RUFY2: variants seen among roughly 807,000 people sequenced by gnomAD.
RUFY2 encodes RUN and FYVE domain-containing protein 2.
In RUFY2, 49 loss-of-function variants were observed where a neutral mutation model predicts 94.4. That is an observed-to-expected ratio of 0.52 (90% CI 0.41 to 0.66). RUFY2 has a LOEUF of 0.66. RUFY2 is among the 30% of genes least tolerant of loss of function. RUFY2 has a pLI of 0.00. For synonymous variants in RUFY2, 255 were observed against 235.7 expected (o/e 1.08, Z -0.75); for missense variants, 541 against 692.8 (o/e 0.78, Z 2.46).
intron 3 of RUFY2, among the ~76,000 whole-genome samples, chr10:68,398,153 C>A (rs574871540): frequency 3.3e-4 from 46 of 140,892 alleles, no homozygotes; most frequent in Non-Finnish European, 4.2e-4. Context: ...AAAAAAAATT[C>A]TACAATAAGG....
chr10:68,346,812 A>G (rs1353167531), intron 16 of RUFY2: 1 of 152,244 alleles, frequency 6.6e-6, no homozygotes, highest in Non-Finnish European at 1.5e-5. Context: ...GGCATTATGT[A>G]TAACTTATAC....
intron 8 of RUFY2, among the ~76,000 whole-genome samples, chr10:68,384,778 T>C (rs2049352652): frequency 1.3e-5 from 2 of 152,142 alleles, no homozygotes; most frequent in African/African-American, 2.4e-5. Flanking sequence ...CTAATGATGG[T>C]TTGCAATTAA....
At chr10:68,375,785 A>G (rs2048594188) in intron 13 of RUFY2, among the ~76,000 whole-genome samples, 1 of 152,008 alleles carries the variant, frequency 6.6e-6, no homozygotes, top group Admixed American at 6.6e-5. Flanking sequence ...CAAAAAAAAA[A>G]AAAAATCAGA....
intron 7 of RUFY2, among the ~76,000 whole-genome samples, chr10:68,390,847 G>C (rs1005025436): frequency 2.0e-5 from 3 of 151,654 alleles, no homozygotes; most frequent in African/African-American, 7.3e-5. Context: ...GTTCACTACA[G>C]CCTTGAAGTC....
At position 68,366,283 on chromosome 10, in the gene RUFY2, T is replaced by G. The variant is rs182279958; in HGVS notation, c.1326-2170A>C. ...AGGCGGAGGTTGCAGTAAGCCAAGA[T>G]CTCACTACTGCACTCTAGCCTGGGT... On this transcript the variant is annotated intron_variant, in intron 13 of 17. Coordinates refer to ENST00000602465, the MANE Select transcript of RUFY2 (RefSeq NM_001330103.2). Among the ~76,000 whole-genome samples, 361 of 128,298 alleles carry G rather than the reference T, an allele frequency of 2.8e-3. 1 individual carries two copies. Among genetic ancestry groups the G allele is most frequent in the African/African-American group, 0.01 (334 of 33,092 alleles). 84.2% of individuals were successfully genotyped at this position (128,298 alleles called of 152,430 possible).
At chr10:68,382,378 A>AT (rs1193715269) in intron 10 of RUFY2, among the ~76,000 whole-genome samples, 2 of 151,714 alleles carry the variant, frequency 1.3e-5, no homozygotes, top group Non-Finnish European at 2.9e-5. Context: ...TTTCTTAAGA[A>AT]TTTTTTATCA....
intron 15 of RUFY2, among the ~76,000 whole-genome samples, chr10:68,360,029 T>C (rs1023308057): frequency 2.6e-5 from 4 of 152,062 alleles, no homozygotes; most frequent in Admixed American, 6.5e-5. Context: ...TTTCACCACG[T>C]TGGCCAGGCT....
chr10:68,373,969 G>A (rs1441723620), intron 13 of RUFY2, among the ~76,000 whole-genome samples: 1 of 151,742 alleles, frequency 6.6e-6, no homozygotes, highest in East Asian at 1.9e-4. Flanking sequence ...AAATAAGTTA[G>A]CTGGGTATGG....
chr10:68,405,386 T>C (rs2051209821), intron 1 of RUFY2: 1 of 758,642 alleles, frequency 1.3e-6, no homozygotes, highest in African/African-American at 1.9e-5. Context: ...CCAAAGTTAA[T>C]GAATTATTCT....
In RUFY2 at chr10:68,345,468, A is replaced by G. The variant is rs905289643; in HGVS notation, c.*300T>C. ...AATTGACAGAATTCAGAAGAAAAAA[A>G]CAATCTGAAGCCTTATTTTTAAGGC... On this transcript the variant is annotated 3_prime_UTR_variant, in exon 18 of 18. Coordinates refer to ENST00000602465, the MANE Select transcript of RUFY2 (RefSeq NM_001330103.2). The G allele has an allele frequency of 2.5e-6, 1 of 403,996 alleles. No homozygotes were observed. Among genetic ancestry groups the G allele is most frequent in the African/African-American group, 2.1e-5 (1 of 48,664 alleles). The allele number at this position is 403,996 out of a possible 1,614,324, so 25.0% of individuals were successfully genotyped here. A position where few individuals can be genotyped will look rare whatever the true frequency, so the allele number is the denominator to read the frequency against.
In RUFY2 at chr10:68,406,745, C is replaced by T. The variant is rs184410050; in HGVS notation, c.4+441G>A. On this transcript the variant is annotated intron_variant, in intron 1 of 17. Coordinates refer to ENST00000602465, the MANE Select transcript of RUFY2 (RefSeq NM_001330103.2). ...TGGGGGCCCCCCAGGACCATCGCGGCGGGCTCACCCAGGCTCCTGCGCGTC... is the reference window on the plus strand; with the variant it reads ...TGGGGGCCCCCCAGGACCATCGCGGTGGGCTCACCCAGGCTCCTGCGCGTC... 1.6e-3 allele frequency: 2,612 copies of T among 1,604,576 alleles called. 34 individuals are homozygous for T. The African/African-American group carries it at 0.029, about 18-fold the overall frequency.
chr10:68,345,963 T>A, intron 17 of RUFY2, 44 bp downstream of exon 17: 1 of 1,612,184 alleles, frequency 6.2e-7, no homozygotes, highest in Non-Finnish European at 8.5e-7. Flanking sequence ...AAAATTAGCA[T>A]TTTTGCACTC....
intron 1 of RUFY2, chr10:68,406,729 C>T (rs2051347446): frequency 1.3e-6 from 2 of 1,594,434 alleles, no homozygotes; most frequent in African/African-American, 2.7e-5. Flanking sequence ...CTGGGGGCCC[C>T]CCAGGACCAT....
chr10:68,361,198 GAA>G (rs2047442705), intron 15 of RUFY2, among the ~76,000 whole-genome samples: 1 of 149,484 alleles, frequency 6.7e-6, no homozygotes, highest in African/African-American at 2.5e-5. Flanking sequence ...CGCTTGAAAA[GAA>G]CCCAGGAGGC....
In RUFY2 at chr10:68,376,479, T is replaced by TAG; in HGVS notation, c.1325+373_1325+374insCT. Reference sequence around the variant, plus strand: ...ATATATATATATATATATATATATATATATATATATATTCTCAGAAAACAG... The same window carrying TAG: ...ATATATATATATATATATATATATATAGATATATATATATTCTCAGAAAACAG... On this transcript the variant is annotated intron_variant, in intron 13 of 17. Coordinates refer to ENST00000602465, the MANE Select transcript of RUFY2 (RefSeq NM_001330103.2). 5.2e-5 allele frequency among the ~76,000 whole-genome samples: 3 copies of TAG among 57,538 alleles called. 1 individual carries two copies. The East Asian group carries it at 2.2e-3, about 43-fold the overall frequency. The allele number at this position is 57,538 out of a possible 152,430, so 37.7% of individuals were successfully genotyped here.
At chr10:68,360,481 C>T (rs1486684936) in intron 15 of RUFY2, among the ~76,000 whole-genome samples, 3 of 151,786 alleles carry the variant, frequency 2.0e-5, no homozygotes, top group Admixed American at 6.6e-5. Flanking sequence ...CGGTGGCTCA[C>T]GCCTGTAATC....
At chr10:68,363,552 CAAT>C in intron 15 of RUFY2, 35 bp downstream of exon 15, 2 of 1,323,796 alleles carry the variant, frequency 1.5e-6, no homozygotes, top group Non-Finnish European at 2.1e-6. Flanking sequence ...TTATAAAAGT[CAAT>C]AATGACTACT....
At chr10:68,369,138 T>C (rs1195769996) in intron 13 of RUFY2, among the ~76,000 whole-genome samples, 11 of 152,312 alleles carry the variant, frequency 7.2e-5, no homozygotes, top group Non-Finnish European at 1.5e-5. Flanking sequence ...GGTTTGAATG[T>C]TTGTCCTCTT....
Position 68,401,624 on chromosome 10 carries a change from G to A in RUFY2, c.292C>T (p.Leu98=). Residue 98 remains leucine, a synonymous_variant, in exon 3 of 18, where the codon CTG becomes TTG. Transcript: ENST00000602465. ...ACAAGTAATAGGCCTCCTTACTTCAGACCAGGTAGATCCCGGACACTAGCT... is the reference window on the plus strand; with the variant it reads ...ACAAGTAATAGGCCTCCTTACTTCAAACCAGGTAGATCCCGGACACTAGCT... ...IGASVRDLPG[L]KTPLGRARAW... 1 of 1,605,272 alleles carries A rather than the reference G, an allele frequency of 6.2e-7. No homozygotes were observed. Among genetic ancestry groups the A allele is most frequent in the Non-Finnish European group, 8.5e-7 (1 of 1,171,960 alleles).
Sources: allele counts gnomAD v4.1 joint callset (sites outside exome capture counted in the v4.1 genomes callset), GRCh38; gene constraint gnomAD v4.1.1; transcripts MANE v1.5; gene names NCBI Gene and HGNC (gene_info 2026-07-23, HGNC 2026-07-21).